Variants in PCDH10 observed in about 807,000 individuals in gnomAD.
PCDH10 encodes the protein protocadherin 10.
A neutral mutation model predicts 74.4 loss-of-function variants in PCDH10; 15 were observed. The observed-to-expected ratio is 0.20, with a 90% confidence interval of 0.13 to 0.31. PCDH10 has a LOEUF of 0.31. Among genes scored for constraint, PCDH10 ranks in the 10% least tolerant of loss-of-function variants. The pLI is 1.00. For missense variants in PCDH10, 1,260 were observed against 1,390.2 expected, an observed-to-expected ratio of 0.91 and a Z score of 1.49; for synonymous variants, 619 against 589.8, an observed-to-expected ratio of 1.05 and a Z score of -0.72.
At chr4:133,180,219 G>A (rs550219387) in intron 4 of PCDH10, among the ~76,000 whole-genome samples, 3 of 151,998 alleles carry the variant, frequency 2.0e-5, no homozygotes, top group Non-Finnish European at 2.9e-5. Flanking sequence ...ATTGGAAAAC[G>A]TATACGTAAA....
chr4:133,190,247 C>T lies in PCDH10; in HGVS notation c.*87C>T. 2 of 1,211,214 alleles carry T rather than the reference C, an allele frequency of 1.7e-6. No homozygotes were observed. The highest frequency in any genetic ancestry group is 2.5e-6 in the Non-Finnish European group (2 of 814,040). The allele number at this position is 1,211,214 out of a possible 1,614,324, so 75.0% of individuals were successfully genotyped here. On this transcript the variant is annotated 3_prime_UTR_variant, in exon 5 of 5. Coordinates refer to ENST00000264360, the MANE Select transcript of PCDH10 (RefSeq NM_032961.3). ...CAACTTTTCAACTTCATTATCTTGG[C>T]CATCCAGTTAGTCATGTGTAACTGA...
In PCDH10 at chr4:133,149,486, AAAATAC is replaced by A. The variant is rs1175686079; in HGVS notation, c.-649_-644del. The A allele has an allele frequency of 6.6e-6, 1 of 152,418 alleles. No homozygotes were observed. Among genetic ancestry groups the A allele is most frequent in the Non-Finnish European group, 1.5e-5 (1 of 68,202 alleles). 9.4% of individuals were successfully genotyped at this position (152,418 alleles called of 1,614,324 possible). ...AGGGAACCAAGACTCTGAAAGACAA[AAAATAC>A]AAATAGAGCGAAAGAGGAAAAAAAT... On this transcript the variant is annotated 5_prime_UTR_variant, in exon 1 of 5. It introduces an in-frame stop codon into an upstream open reading frame of the 5' UTR. Coordinates refer to ENST00000264360, the MANE Select transcript of PCDH10 (RefSeq NM_032961.3).
At chr4:133,167,335 C>A (rs1727107239) in intron 4 of PCDH10, among the ~76,000 whole-genome samples, 1 of 151,448 alleles carries the variant, frequency 6.6e-6, no homozygotes, top group Non-Finnish European at 1.5e-5. Flanking sequence ...TCTCAGCCTG[C>A]CTTCTGTGAG....
intron 4 of PCDH10, among the ~76,000 whole-genome samples, chr4:133,175,128 A>T (rs1304526066): frequency 6.6e-6 from 1 of 152,000 alleles, no homozygotes; most frequent in African/African-American, 2.4e-5. Flanking sequence ...GTAGTTACAA[A>T]GGCATATCAT....
chr4:133,163,930 C>A (rs1258865658), intron 4 of PCDH10: 2 of 445,064 alleles, frequency 4.5e-6, no homozygotes, highest in Admixed American at 5.0e-5. Flanking sequence ...TGAAGTATAA[C>A]GTGAAAAGCA....
intron 4 of PCDH10, among the ~76,000 whole-genome samples, chr4:133,167,960 T>C (rs1299736287): frequency 4.6e-5 from 7 of 151,368 alleles, no homozygotes; most frequent in Non-Finnish European, 1.0e-4. Context: ...TTTCTCTATC[T>C]GAATTTTATT....
chr4:133,155,481 G>C (rs1384372272), intron 3 of PCDH10, among the ~76,000 whole-genome samples: 1 of 152,156 alleles, frequency 6.6e-6, no homozygotes, highest in Non-Finnish European at 1.5e-5. Flanking sequence ...GTTTTCCAGG[G>C]CAATGCATTT....
At chr4:133,200,739 CTT>C (rs1230500986) in intron 2 of PCDH10, among the ~76,000 whole-genome samples, 1 of 152,158 alleles carries the variant, frequency 6.6e-6, no homozygotes, top group Non-Finnish European at 1.5e-5. Flanking sequence ...TAACAATAAA[CTT>C]AACAACCCAC....
In PCDH10 at chr4:133,150,368, C is replaced by T. The variant is rs1227123051; in HGVS notation, c.228C>T (p.Asn76=). ...TGGAGACAGGGGTGCTGTACGTGAA[C>T]GAGAAAATAGACCGCGAACAAATCT... ...LNLETGVLYV[N]EKIDREQICK... The change falls in exon 1 of 5, where the codon AAC becomes AAT. Residue 76 remains asparagine (N), a synonymous_variant. Coordinates refer to ENST00000264360, the MANE Select transcript of PCDH10 (RefSeq NM_032961.3). 16 of 1,613,812 alleles carry T rather than the reference C, an allele frequency of 9.9e-6. No individual in the cohort carries two copies. Among genetic ancestry groups the T allele is most frequent in the Non-Finnish European group, 1.4e-5 (16 of 1,179,922 alleles).
At chr4:133,162,531 ATTTGTT>A (rs1295564435) in intron 3 of PCDH10, among the ~76,000 whole-genome samples, 1 of 152,086 alleles carries the variant, frequency 6.6e-6, no homozygotes, top group African/African-American at 2.4e-5. Flanking sequence ...TTCTTATGTT[ATTTGTT>A]TTTAAGGAAA....
At chr4:133,164,827 T>C (rs1453691038) in intron 4 of PCDH10, among the ~76,000 whole-genome samples, 1 of 151,104 alleles carries the variant, frequency 6.6e-6, no homozygotes, top group African/African-American at 2.4e-5. Context: ...GTCTTTCATT[T>C]AGAAATCTGA....
chr4:133,197,645 A>G (rs1181810236), downstream of PCDH10, among the ~76,000 whole-genome samples: 3 of 152,050 alleles, frequency 2.0e-5, no homozygotes, highest in African/African-American at 7.2e-5. Flanking sequence ...TGGTTTGCTT[A>G]TTTTTCATAG....
At chr4:133,184,531 A>C (rs1014280401) in intron 4 of PCDH10, among the ~76,000 whole-genome samples, 1 of 151,496 alleles carries the variant, frequency 6.6e-6, no homozygotes, top group Non-Finnish European at 1.5e-5. Context: ...TCTGAGACAG[A>C]AGAATCGCCT....
intron 4 of PCDH10, among the ~76,000 whole-genome samples, chr4:133,171,685 G>T (rs1000956621): frequency 5.3e-5 from 8 of 152,118 alleles, no homozygotes; most frequent in African/African-American, 1.9e-4. Context: ...ATAGATAAGA[G>T]AGTTAATGTT....
At chr4:133,182,613 AT>A (rs1350405690) in intron 4 of PCDH10, among the ~76,000 whole-genome samples, 1 of 152,064 alleles carries the variant, frequency 6.6e-6, no homozygotes, top group African/African-American at 2.4e-5. Context: ...TTCCAGAAAA[AT>A]TTTCAGTGAT....
intron 1 of PCDH10, chr4:133,153,045 T>A: frequency 7.1e-7 from 1 of 1,399,008 alleles, no homozygotes; most frequent in Non-Finnish European, 9.3e-7. Flanking sequence ...ATCCTGTCAG[T>A]CCTTTCCCTT....
rs751450197 is a variant in PCDH10, at chr4:133,163,130, C to A, written c.2951C>A (p.Thr984Asn). Residue 984 changes from threonine to asparagine, a missense_variant, in exon 4 of 5, where the codon ACT becomes AAT. By Grantham distance (65) the Thr-to-Asn change is moderately conservative (BLOSUM62 0). This residue lies in a region of PCDH10 where 136 missense variants were observed against 149.3 expected (regional missense o/e 0.91). Transcript: ENST00000264360. ...HVPGMDSVPD[T>N]EVFETPEAQP... ...CCTGGCATGGACTCTGTTCCAGACA[C>A]TGAGGTGTTTGAAACTCCAGAAGCC... 6.2e-7 allele frequency: 1 copy of A among 1,614,020 alleles called. No homozygotes were observed. Among genetic ancestry groups the A allele is most frequent in the South Asian group, 1.1e-5 (1 of 91,088 alleles).
At chr4:133,207,993 G>A (rs1017840075) in intron 2 of PCDH10, 2 of 152,142 alleles carry the variant, frequency 1.3e-5, no homozygotes, top group Non-Finnish European at 2.9e-5. Flanking sequence ...TTTCACACTT[G>A]ACGTTAGGGT....
In PCDH10 at chr4:133,163,183, A is replaced by G. The variant is rs1315569155; in HGVS notation, c.3004A>G (p.Thr1002Ala). Reference protein sequence around the residue: ...AQPGAERSFSTFGKEKALHST... With the variant: ...AQPGAERSFSAFGKEKALHST... ...GCCTGGGGCAGAGCGGTCCTTTTCC[A>G]CCTTTGGCAAAGAGAAGGCCCTTCA... is the stretch of plus-strand genomic sequence containing the variant. Residue 1002 changes from threonine (T) to alanine (A), a missense_variant, in exon 4 of 5, where the codon ACC becomes GCC. Around this residue, in one of 11 missense-constraint regions of PCDH10, gnomAD observed 136 missense variants for 149.3 expected, o/e 0.91. Coordinates refer to ENST00000264360, the MANE Select transcript of PCDH10 (RefSeq NM_032961.3). 1 of 1,613,952 alleles carries G rather than the reference A, an allele frequency of 6.2e-7. No homozygotes were observed. Among genetic ancestry groups the G allele is most frequent in the Non-Finnish European group, 8.5e-7 (1 of 1,180,018 alleles).
Sources: allele counts gnomAD v4.1 joint callset (sites outside exome capture counted in the v4.1 genomes callset), GRCh38; gene constraint gnomAD v4.1.1; regional missense constraint gnomAD v4.1.1; transcripts MANE v1.5; gene names NCBI Gene and HGNC (gene_info 2026-07-23, HGNC 2026-07-21).